ADAM28: variants seen among roughly 807,000 people sequenced by gnomAD.
ADAM28 encodes the protein ADAM metallopeptidase domain 28.
ADAM28 carries 105 observed loss-of-function variants against 101.2 expected under a neutral mutation model. The observed-to-expected ratio is 1.04, with a 90% confidence interval of 0.89 to 1.22. The LOEUF is 1.22. ADAM28 is among the 50% of genes most tolerant of loss of function. The probability of loss-of-function intolerance (pLI) is 0.00; values close to 1 mark genes in which losing one functional copy is unlikely to be tolerated. For synonymous variants in ADAM28, 322 were observed against 310.6 expected (o/e 1.04, Z -0.39); for missense variants, 1,028 against 945.4 (o/e 1.09, Z -1.15).
chr8:24,331,065 G>C (rs928240774), intron 11 of ADAM28, 85 bp from the exon 12 acceptor site: 4 of 1,328,634 alleles, frequency 3.0e-6, no homozygotes, highest in Admixed American at 5.0e-5. Flanking sequence ...GGCAGGCCGT[G>C]GGTGTAATTG....
chr8:24,334,467 G>C (rs1311534891), intron 13 of ADAM28, among the ~76,000 whole-genome samples: 2 of 152,090 alleles, frequency 1.3e-5, no homozygotes, highest in Admixed American at 6.6e-5. Context: ...GAGGAGACTT[G>C]GTGGGAAAAT....
intron 10 of ADAM28, 89 bp from the exon 11 acceptor site, chr8:24,329,880 TGTGTGTGAGAGAGAGA>T: frequency 1.1e-6 from 1 of 950,226 alleles, no homozygotes; most frequent in African/African-American, 1.7e-5. Context: ...TGTGTGTGTG[TGTGTGTGAGAGAGAGA>T]GAGAGAGAGA....
intron 10 of ADAM28, among the ~76,000 whole-genome samples, chr8:24,329,205 A>G (rs1813022087): frequency 6.6e-6 from 1 of 152,130 alleles, no homozygotes; most frequent in Non-Finnish European, 1.5e-5. Context: ...CTAGGTATCA[A>G]CTTCCCAACT....
intron 16 of ADAM28, among the ~76,000 whole-genome samples, chr8:24,342,079 A>G (rs1322865945): frequency 6.6e-6 from 1 of 152,232 alleles, no homozygotes; most frequent in Non-Finnish European, 1.5e-5. Context: ...TTTAACTTTC[A>G]TAGACGAAGT....
chr8:24,319,906 T>C (rs1811645029), intron 6 of ADAM28, among the ~76,000 whole-genome samples: 2 of 151,950 alleles, frequency 1.3e-5, no homozygotes, highest in Non-Finnish European at 2.9e-5. Context: ...AGTCAAACTT[T>C]CTCTATTTTG....
chr8:24,347,439 A>C (rs894918717), intron 18 of ADAM28, among the ~76,000 whole-genome samples: 1 of 152,066 alleles, frequency 6.6e-6, no homozygotes, highest in Non-Finnish European at 1.5e-5. Context: ...ATTCTCCGGA[A>C]GAATTTGTAT....
At chr8:24,301,870 G>T (rs1213543137) in intron 2 of ADAM28, among the ~76,000 whole-genome samples, 1 of 152,128 alleles carries the variant, frequency 6.6e-6, no homozygotes, top group Non-Finnish European at 1.5e-5. Context: ...CCAGTTTGTT[G>T]TATCGTTTAC....
rs547338346 is a variant in ADAM28, at chr8:24,294,191, T to G, written c.42T>G (p.Val14=). The G allele has an allele frequency of 2.5e-5, 41 of 1,614,172 alleles. No individual in the cohort carries two copies. In the East Asian group the frequency reaches 5.6e-4, roughly 22 times the overall value. ...TGCCAGTCAGTCTCCTCCTCTCTGT[T>G]GCAGGTACATATTTAGCTCTTTTTC... The part of the protein sequence containing the change: ...GLLPVSLLLS[V]AVSAIKELPG... Residue 14 remains valine (V), a synonymous_variant, in exon 1 of 23, where the codon GTT becomes GTG. Coordinates refer to ENST00000265769, the MANE Select transcript of ADAM28 (RefSeq NM_014265.6).
intron 14 of ADAM28, among the ~76,000 whole-genome samples, chr8:24,338,590 A>G (rs1159025318): frequency 6.6e-6 from 1 of 152,240 alleles, no homozygotes; most frequent in Non-Finnish European, 1.5e-5. Flanking sequence ...AAAAAGTAAC[A>G]AAACTCATTT....
chr8:24,336,575 G>A (rs1319750533), intron 14 of ADAM28, among the ~76,000 whole-genome samples: 13 of 109,738 alleles, frequency 1.2e-4, no homozygotes, highest in South Asian at 5.9e-4. Context: ...GCCAGACTCC[G>A]TCTCCAAAAA....
intron 21 of ADAM28, among the ~76,000 whole-genome samples, chr8:24,352,346 A>G (rs1402712615): frequency 3.3e-5 from 5 of 152,200 alleles, no homozygotes; most frequent in Non-Finnish European, 5.9e-5. Context: ...AGTGGCTTAA[A>G]CAACAGATAT....
At chr8:24,317,321 G>C (rs1260145032) in intron 6 of ADAM28, among the ~76,000 whole-genome samples, 2 of 151,878 alleles carry the variant, frequency 1.3e-5, no homozygotes, top group African/African-American at 4.8e-5. Flanking sequence ...AGAGTATAAT[G>C]GCATAAAACC....
chr8:24,349,255 A>G (rs1342837513), intron 18 of ADAM28, among the ~76,000 whole-genome samples: 6 of 152,206 alleles, frequency 3.9e-5, no homozygotes, highest in African/African-American at 1.4e-4. Flanking sequence ...AACAGTTAAG[A>G]GCAAAAGAGT....
Position 24,330,039 on chromosome 8 carries a change from C to G in ADAM28, c.1027C>G (p.His343Asp). 1 of 1,613,638 alleles carries G rather than the reference C, an allele frequency of 6.2e-7. No individual in the cohort carries two copies. The highest frequency in any genetic ancestry group is 2.2e-5 in the East Asian group (1 of 44,848). Residue 343 changes from histidine (H) to aspartate (D), a missense_variant, in exon 11 of 23, where the codon CAC (histidine) becomes GAC (aspartate). Transcript: ENST00000265769. ...AGGGACAATGGCACATGAAATGGGC[C>G]ACAACTTTGGAATGTTTCATGACGA... ...VAGTMAHEMG[H>D]NFGMFHDDYS...
rs1168885381 is a variant in ADAM28 at position 24,334,472 on chromosome 8, GA to G, written c.1372-970del. Among the ~76,000 whole-genome samples the G allele has an allele frequency of 2.6e-5, 4 of 152,116 alleles. No homozygotes were observed. In the East Asian group the frequency reaches 7.7e-4, roughly 29 times the overall value. On this transcript the variant is annotated intron_variant, in intron 13 of 22. Coordinates refer to ENST00000265769, the MANE Select transcript of ADAM28 (RefSeq NM_014265.6). ...AAAGGTGTCAGAGGAGACTTGGTGG[GA>G]AAATGGGCTTTCAACTGGACTTGAA...
intron 16 of ADAM28, 107 bp downstream of exon 16, chr8:24,341,864 G>C (rs957676249): frequency 3.1e-5 from 43 of 1,401,066 alleles, no homozygotes; most frequent in Non-Finnish European, 4.0e-5. Flanking sequence ...CCGATTTTGG[G>C]GTTCGCCATG....
intron 2 of ADAM28, among the ~76,000 whole-genome samples, chr8:24,304,220 C>A (rs1229631987): frequency 6.1e-5 from 9 of 148,724 alleles, no homozygotes; most frequent in Non-Finnish European, 1.0e-4. Context: ...GTTACTGGCT[C>A]ATACTAGATG....
chr8:24,354,375 C>CTGTCT lies in ADAM28; in HGVS notation c.2308-8_2308-7insGTCTT, dbSNP rs1219294478. ...AAAGTTGATCATTTAGAAGTTATGT[C>CTGTCT]TTTTTTAGGACTCAAATCCAAAAGC... On this transcript the variant is annotated splice_polypyrimidine_tract_variant and intron_variant, in intron 22 of 22. Coordinates refer to ENST00000265769, the MANE Select transcript of ADAM28 (RefSeq NM_014265.6). 6.3e-7 allele frequency: 1 copy of CTGTCT among 1,599,470 alleles called. No homozygotes were observed.
rs762029199 is a variant in ADAM28 at position 24,313,591 on chromosome 8, CTTTA to C, written c.576+19_576+22del. 6.2e-6 allele frequency: 10 copies of C among 1,611,400 alleles called. No homozygotes were observed. Among genetic ancestry groups the C allele is most frequent in the East Asian group, 4.5e-5 (2 of 44,848 alleles). On this transcript the variant is annotated intron_variant, in intron 6 of 22. Coordinates refer to ENST00000265769, the MANE Select transcript of ADAM28 (RefSeq NM_014265.6). ...GCCACCAAACTAGTAGTATGTGTAA[CTTTA>C]TTTATTTGAAATGCTCTCATGTATT...
Sources: gnomAD v4.1 joint callset for allele counts (sites outside exome capture counted in the v4.1 genomes callset) on GRCh38, gnomAD v4.1.1 for gene constraint, MANE v1.5 for transcripts, NCBI Gene and HGNC (gene_info 2026-07-23, HGNC 2026-07-21) for gene names.